The following GPC6 variants were observed in gnomAD, a reference collection of about 807,000 sequenced individuals.
GPC6 encodes the protein glypican 6.
In GPC6, 14 loss-of-function variants were observed where a neutral mutation model predicts 55.2. That is an observed-to-expected ratio of 0.25 (90% CI 0.17 to 0.40). The LOEUF (loss-of-function observed/expected upper bound fraction) is 0.40. GPC6 is among the 10% of genes least tolerant of loss of function. The pLI, the probability that GPC6 is intolerant of heterozygous loss-of-function variation, is 1.00. For missense variants in GPC6, 641 were observed against 708.5 expected (o/e 0.90, Z 1.08); for synonymous variants, 278 against 259.6 (o/e 1.07, Z -0.68).
chr13:94,031,996 G>A (rs766429998), intron 4 of GPC6, among the ~76,000 whole-genome samples: 7 of 152,170 alleles, frequency 4.6e-5, no homozygotes, highest in Non-Finnish European at 1.0e-4. Flanking sequence ...ACCAGAGAGA[G>A]ATTTCTAAAA....
At chr13:94,356,653 C>G (rs1236041485) in intron 6 of GPC6, among the ~76,000 whole-genome samples, 1 of 152,194 alleles carries the variant, frequency 6.6e-6, no homozygotes, top group East Asian at 1.9e-4. Context: ...AAGGAAGTTA[C>G]TTCTGGCAAG....
intron 1 of GPC6, among the ~76,000 whole-genome samples, chr13:93,315,255 G>C (rs1312072912): frequency 6.6e-6 from 1 of 151,914 alleles, no homozygotes; most frequent in Non-Finnish European, 1.5e-5. Context: ...ATGTTACTAT[G>C]AAATTTTTTG....
At chr13:93,381,234 A>G (rs1243820035) in intron 1 of GPC6, among the ~76,000 whole-genome samples, 1 of 152,146 alleles carries the variant, frequency 6.6e-6, no homozygotes, top group Non-Finnish European at 1.5e-5. Context: ...TTTATTCCTC[A>G]GTGTTTATGA....
chr13:93,370,553 G>A (rs1213506182), intron 1 of GPC6, among the ~76,000 whole-genome samples: 1 of 152,048 alleles, frequency 6.6e-6, no homozygotes, highest in East Asian at 1.9e-4. Flanking sequence ...ATATAGCAAA[G>A]TCCCAGGGTC....
intron 2 of GPC6, among the ~76,000 whole-genome samples, chr13:93,597,658 C>T (rs956629508): frequency 6.6e-6 from 1 of 152,198 alleles, no homozygotes; most frequent in Non-Finnish European, 1.5e-5. Flanking sequence ...ACCTTTATGA[C>T]TGTCCACTTC....
At chr13:93,623,497 C>T (rs143666906) in intron 2 of GPC6, among the ~76,000 whole-genome samples, 1,669 of 137,178 alleles carry the variant, frequency 0.012, 33 homozygotes, top group African/African-American at 0.042. Context: ...CTCGCTCTCT[C>T]GCCCAGGCTG....
chr13:93,789,178 G>A (rs374190755), intron 2 of GPC6, among the ~76,000 whole-genome samples: 10 of 152,054 alleles, frequency 6.6e-5, no homozygotes, highest in Admixed American at 1.3e-4. Context: ...GCTCTGCTTC[G>A]TCTCTTTTAT....
intron 1 of GPC6, among the ~76,000 whole-genome samples, chr13:93,445,225 G>A (rs930954573): frequency 2.6e-5 from 4 of 152,026 alleles, no homozygotes; most frequent in South Asian, 4.1e-4. Context: ...CTTTCGTTTC[G>A]TAACCAGCCT....
chr13:94,225,194 A>C (rs193128907), intron 4 of GPC6, among the ~76,000 whole-genome samples: 4 of 152,132 alleles, frequency 2.6e-5, no homozygotes, highest in African/African-American at 9.6e-5. Flanking sequence ...GGCAAGATTA[A>C]TTTTTTTCCT....
rs1888232 is a variant in GPC6 at position 93,851,266 on chromosome 13, G to C, written c.711+20721G>C. On this transcript the variant is annotated intron_variant, in intron 3 of 8. Transcript: ENST00000377047. ...TCTACTATACTATGTTTTTGTATAT[G>C]ATTCATAATTTTAATTTTGGCACTC... is the stretch of plus-strand genomic sequence containing the variant. 2.1e-3 allele frequency among the ~76,000 whole-genome samples: 324 copies of C among 151,690 alleles called. 2 individuals carry two copies. The highest frequency in any genetic ancestry group is 7.2e-3 in the African/African-American group (298 of 41,424).
intron 7 of GPC6, among the ~76,000 whole-genome samples, chr13:94,384,524 T>C (rs17196184): frequency 0.073 from 11,117 of 152,138 alleles, 546 homozygotes; most frequent in South Asian, 0.11. Flanking sequence ...TTAGTCCATA[T>C]GCAATTTCTT....
intron 2 of GPC6, among the ~76,000 whole-genome samples, chr13:93,779,752 G>T (rs2138905079): frequency 6.6e-6 from 1 of 152,136 alleles, no homozygotes; most frequent in Non-Finnish European, 1.5e-5. Flanking sequence ...GGCCACCTTT[G>T]TCCCCAATTT....
At chr13:94,395,928 T>C (rs1381387790) in intron 7 of GPC6, among the ~76,000 whole-genome samples, 2 of 152,210 alleles carry the variant, frequency 1.3e-5, no homozygotes, top group South Asian at 2.1e-4. Context: ...TGGGCTCCCT[T>C]GCCCACCAGC....
At chr13:94,347,809 T>C (rs1255985416) in intron 6 of GPC6, among the ~76,000 whole-genome samples, 1 of 152,232 alleles carries the variant, frequency 6.6e-6, no homozygotes, top group Non-Finnish European at 1.5e-5. Context: ...ATACTCCACA[T>C]TTAATCAAGC....
chr13:94,398,491 G>C lies in GPC6; in HGVS notation c.1315G>C (p.Gly439Arg), dbSNP rs1299975214. The C allele has an allele frequency of 1.9e-6, 3 of 1,613,472 alleles. No individual in the cohort carries two copies. Residue 439 changes from glycine (G) to arginine (R), a missense_variant, in exon 8 of 9, where the codon GGG becomes CGG. Physicochemically the swap from Gly to Arg is moderately radical, Grantham distance 125. Transcript: ENST00000377047. ...ARYLPEIMND[G>R]LTNQINNPEV... ...ATACTTGCCTGAGATCATGAATGAT[G>C]GGCTCACCAACCAGATCAACAATCC...
At chr13:94,288,880 TAACTA>T (rs1221980703) in intron 5 of GPC6, among the ~76,000 whole-genome samples, 15 of 32,448 alleles carry the variant, frequency 4.6e-4, no homozygotes, top group Non-Finnish European at 9.2e-4. Flanking sequence ...GTTATATATA[TAACTA>T]ATATATATAA....
At chr13:94,214,907 A>G (rs1009841192) in intron 4 of GPC6, among the ~76,000 whole-genome samples, 2 of 152,352 alleles carry the variant, frequency 1.3e-5, no homozygotes, top group African/African-American at 2.4e-5. Flanking sequence ...CTAAGACACA[A>G]TTTAAGGTGT....
chr13:93,688,929 A>T (rs760390367), intron 2 of GPC6, among the ~76,000 whole-genome samples: 2 of 152,012 alleles, frequency 1.3e-5, no homozygotes, highest in Non-Finnish European at 2.9e-5. Context: ...TTTTATGTTA[A>T]TTATATTTTA....
At chr13:94,101,393 G>T (rs1364134260) in intron 4 of GPC6, among the ~76,000 whole-genome samples, 2 of 152,170 alleles carry the variant, frequency 1.3e-5, no homozygotes, top group East Asian at 3.9e-4. Flanking sequence ...TTGAACTTAT[G>T]TCCATGGACT....
Sources: gnomAD v4.1 joint callset for allele counts (sites outside exome capture counted in the v4.1 genomes callset) on GRCh38, gnomAD v4.1.1 for gene constraint, MANE v1.5 for transcripts, NCBI Gene and HGNC (gene_info 2026-07-23, HGNC 2026-07-21) for gene names.